SPINK5: variants seen among roughly 807,000 people sequenced by gnomAD.
SPINK5 encodes the protein serine protease inhibitor Kazal-type 5.
In SPINK5, 125 loss-of-function variants were observed where a neutral mutation model predicts 151.8. The observed-to-expected ratio is 0.82, with a 90% CI of 0.71 to 0.96. The LOEUF (loss-of-function observed/expected upper bound fraction) is 0.96. Ranked by LOEUF, SPINK5 falls within the 40% of genes least tolerant of loss-of-function variation. The pLI is 0.00. For synonymous variants in SPINK5, 374 were observed against 395.3 expected (o/e 0.95, Z 0.64); for missense variants, 1,194 against 1,291.9 (o/e 0.92, Z 1.16).
At chr5:148,087,197 C>G in intron 5 of SPINK5, among the ~76,000 whole-genome samples, 1 of 151,700 alleles carries the variant, frequency 6.6e-6, no homozygotes. Flanking sequence ...TACCAAATAG[C>G]TAAGGCATCT....
At chr5:148,131,221 G>T in intron 30 of SPINK5, 38 bp from the exon 31 acceptor site, 1 of 1,611,874 alleles carries the variant, frequency 6.2e-7, no homozygotes, top group Non-Finnish European at 8.5e-7. Flanking sequence ...CTTCTTGAAT[G>T]CCATAAAGTA....
intron 1 of SPINK5, among the ~76,000 whole-genome samples, chr5:148,064,552 T>C (rs1296017506): frequency 1.3e-5 from 2 of 152,206 alleles, no homozygotes; most frequent in African/African-American, 4.8e-5. Flanking sequence ...ATCTTCTAGC[T>C]TATTTTAGTC....
chr5:148,128,452 C>T (rs1393246929), intron 30 of SPINK5, among the ~76,000 whole-genome samples: 4 of 152,022 alleles, frequency 2.6e-5, no homozygotes, highest in African/African-American at 4.8e-5. Context: ...TTCATCAAGC[C>T]GGCAGTCCTT....
chr5:148,080,466 A>G lies in SPINK5; in HGVS notation c.283-5939A>G, dbSNP rs573214347. Among the ~76,000 whole-genome samples, 4 of 151,528 alleles carry G rather than the reference A, an allele frequency of 2.6e-5. No homozygotes were observed. The South Asian group carries it at 6.2e-4, about 24-fold the overall frequency. On this transcript the variant is annotated intron_variant, in intron 4 of 32. Transcript: ENST00000256084. ...TAAATTTTGTTATAATGCAATAGTG[A>G]TCATAACAGCGTGCCGTTATTTCAA... is the stretch of plus-strand genomic sequence containing the variant.
At chr5:148,133,343 C>T (rs1340630723) in intron 31 of SPINK5, among the ~76,000 whole-genome samples, 2 of 152,282 alleles carry the variant, frequency 1.3e-5, no homozygotes, top group East Asian at 3.9e-4. Context: ...AATATTTCTC[C>T]AGTGAGAGGC....
Position 148,099,313 on chromosome 5 carries a change from G to T in SPINK5, c.1090G>T (p.Ala364Ser). 6.2e-7 allele frequency: 1 copy of T among 1,611,782 alleles called. No individual in the cohort carries two copies. Among genetic ancestry groups the T allele is most frequent in the Non-Finnish European group, 8.5e-7 (1 of 1,178,594 alleles). Residue 364 changes from alanine to serine, a missense_variant and splice_region_variant, in exon 12 of 33, where the codon GCA (alanine) becomes TCA (serine). Transcript: ENST00000256084. Reference sequence around the variant, plus strand: ...AGAATCTGGAAAAGCAACCTCATATGCAGTGAGTGGAATCCATCCAATAAA... The same window carrying T: ...AGAATCTGGAAAAGCAACCTCATATTCAGTGAGTGGAATCCATCCAATAAA... ...KRESGKATSY[A>S]ELCSEYRKLV... is the part of the protein sequence containing the mutation.
chr5:148,084,782 A>G (rs747601945), intron 4 of SPINK5, among the ~76,000 whole-genome samples: 8 of 151,734 alleles, frequency 5.3e-5, no homozygotes, highest in Non-Finnish European at 8.8e-5. Flanking sequence ...ATCCTTTGCA[A>G]TTGCCGTTCT....
intron 18 of SPINK5, 150 bp downstream of exon 18, chr5:148,108,987 C>T (rs938293678): frequency 5.2e-6 from 7 of 1,359,162 alleles, no homozygotes; most frequent in African/African-American, 1.5e-5. Context: ...AGAGTACTCC[C>T]CTTTCCTTAT....
intron 1 of SPINK5, 68 bp from the exon 2 acceptor site, chr5:148,065,278 TG>T (rs1752549307): frequency 6.5e-7 from 1 of 1,535,084 alleles, no homozygotes; most frequent in African/African-American, 1.4e-5. Context: ...CTGCATTAAA[TG>T]GATTATTTGT....
At chr5:148,133,522 A>T (rs1165221812) in intron 31 of SPINK5, among the ~76,000 whole-genome samples, 1 of 152,176 alleles carries the variant, frequency 6.6e-6, no homozygotes, top group Non-Finnish European at 1.5e-5. Flanking sequence ...TTTAGACCAG[A>T]TGATCTCCAA....
At chr5:148,120,158 C>CT (rs904058744) in intron 25 of SPINK5, 22 bp downstream of exon 25, 2 of 1,613,986 alleles carry the variant, frequency 1.2e-6, no homozygotes, top group Admixed American at 1.7e-5. Context: ...TCAAAATGAG[C>CT]TTTTGACTGT....
chr5:148,089,538 T>G lies in SPINK5; in HGVS notation c.519T>G (p.Leu173=). 6.2e-7 allele frequency: 1 copy of G among 1,612,114 alleles called. No homozygotes were observed. The highest frequency in any genetic ancestry group is 8.5e-7 in the Non-Finnish European group (1 of 1,178,756). ...GGCCCTTTGTTAGAGATGGAAGACTTGGATGCACAAGGGAAAATGATCCTG... is the reference window on the plus strand; with the variant it reads ...GGCCCTTTGTTAGAGATGGAAGACTGGGATGCACAAGGGAAAATGATCCTG... The part of the protein sequence containing the change: ...AFRPFVRDGR[L]GCTRENDPVL... The change falls in exon 7 of 33, where the codon CTT becomes CTG. Residue 173 remains leucine (L), a synonymous_variant. Coordinates refer to ENST00000256084, the MANE Select transcript of SPINK5 (RefSeq NM_006846.4).
chr5:148,106,769 C>T (rs879707182), intron 16 of SPINK5, among the ~76,000 whole-genome samples: 4 of 152,174 alleles, frequency 2.6e-5, no homozygotes, highest in Non-Finnish European at 4.4e-5. Context: ...ATGGAATCTT[C>T]CCACCTCTGA....
chr5:148,128,862 A>T (rs1754502356), intron 30 of SPINK5, among the ~76,000 whole-genome samples: 1 of 152,224 alleles, frequency 6.6e-6, no homozygotes, highest in Admixed American at 6.5e-5. Context: ...ATAGCCATAA[A>T]CAAAACAGAT....
rs150694184 is a variant in SPINK5, at chr5:148,110,343, C to A, written c.1693-1425C>A. 1.7e-3 allele frequency among the ~76,000 whole-genome samples: 252 copies of A among 152,180 alleles called. 1 individual carries two copies. Among genetic ancestry groups the A allele is most frequent in the African/African-American group, 5.9e-3 (246 of 41,544 alleles). ...GAGAGTTCACCAATTCTTCAACATA[C>A]AATGAACTTTACCTTCTATATGCCA... On this transcript the variant is annotated intron_variant, in intron 18 of 32. Coordinates refer to ENST00000256084, the MANE Select transcript of SPINK5 (RefSeq NM_006846.4).
chr5:148,125,583 T>C (rs377150240), intron 28 of SPINK5, 140 bp from the exon 29 acceptor site: 16 of 1,613,994 alleles, frequency 9.9e-6, no homozygotes, highest in Non-Finnish European at 1.4e-5. Flanking sequence ...AACCTGGGCG[T>C]TCCTTGGCCT....
intron 1 of SPINK5, among the ~76,000 whole-genome samples, chr5:148,064,304 A>G (rs2127181311): frequency 6.6e-6 from 1 of 152,342 alleles, no homozygotes; most frequent in Non-Finnish European, 1.5e-5. Context: ...GTAGTTTGAG[A>G]TAATCTGAAT....
At chr5:148,128,812 C>T (rs113933340) in intron 30 of SPINK5, among the ~76,000 whole-genome samples, 2,733 of 152,270 alleles carry the variant, frequency 0.018, 78 homozygotes, top group African/African-American at 0.062. Context: ...CGTGAGCCAC[C>T]GCGCCCGGCC....
chr5:148,086,348 A>C, intron 4 of SPINK5, 57 bp from the exon 5 acceptor site: 1 of 1,595,968 alleles, frequency 6.3e-7, no homozygotes, highest in Non-Finnish European at 8.5e-7. Context: ...CTATTTATAC[A>C]TCTAAGGACT....
Sources: allele counts gnomAD v4.1 joint callset (sites outside exome capture counted in the v4.1 genomes callset), GRCh38; gene constraint gnomAD v4.1.1; transcripts MANE v1.5; gene names NCBI Gene and HGNC (gene_info 2026-07-23, HGNC 2026-07-21).